Variants in SLC13A4 observed in about 807,000 individuals in gnomAD.
The protein encoded by SLC13A4 is Na(+)/sulfate cotransporter SUT-1.
A neutral mutation model predicts 72.7 loss-of-function variants in SLC13A4; 28 were observed. That is an observed-to-expected ratio of 0.39 (90% confidence interval 0.29 to 0.53). The LOEUF is 0.53. Among genes scored for constraint, SLC13A4 ranks in the 20% least tolerant of loss-of-function variants. The pLI, the probability that SLC13A4 is intolerant of heterozygous loss-of-function variation, is 0.78. For missense variants in SLC13A4, 653 were observed against 788.0 expected, an observed-to-expected ratio of 0.83 and a Z score of 2.05; for synonymous variants, 312 against 325.5, an observed-to-expected ratio of 0.96 and a Z score of 0.45.
chr7:135,681,768 T>A, intron 15 of SLC13A4, 68 bp from the exon 16 acceptor site: 1 of 1,568,302 alleles, frequency 6.4e-7, no homozygotes, highest in Non-Finnish European at 8.7e-7. Context: ...CAAGTCCCCC[T>A]TCTGTTCCTG....
At position 135,727,590 on chromosome 7, in the gene SLC13A4, T is replaced by A; in HGVS notation, c.-94A>T. 1 of 1,423,480 alleles carries A rather than the reference T, an allele frequency of 7.0e-7. No individual in the cohort carries two copies. The highest frequency in any genetic ancestry group is 9.4e-7 in the Non-Finnish European group (1 of 1,068,278). 88.2% of individuals were successfully genotyped at this position (1,423,480 alleles called of 1,614,324 possible). A position where few individuals can be genotyped will look rare whatever the true frequency, so the allele number is the denominator to read the frequency against. ...CTGCTCTCTATCCAGAAAGACTTCT[T>A]AAACCTTTCTTGGCTTCCGAGAGTC... is the stretch of plus-strand genomic sequence containing the variant. On this transcript the variant is annotated 5_prime_UTR_variant, in exon 1 of 16. Coordinates refer to ENST00000682651, the MANE Select transcript of SLC13A4 (RefSeq NM_001318192.2).
intron 1 of SLC13A4, among the ~76,000 whole-genome samples, chr7:135,722,611 TG>T (rs1403220127): frequency 6.6e-6 from 1 of 152,190 alleles, no homozygotes; most frequent in African/African-American, 2.4e-5. Context: ...AAAGCTTTAT[TG>T]CTTTAAAAAT....
intron 5 of SLC13A4, chr7:135,704,310 C>T (rs1796113848): frequency 6.6e-6 from 1 of 152,372 alleles, no homozygotes; most frequent in African/African-American, 2.4e-5. Context: ...CAGAGGGCGC[C>T]ATAATGGGAT....
At chr7:135,720,526 C>T (rs73160749) in intron 2 of SLC13A4, among the ~76,000 whole-genome samples, 6,700 of 149,514 alleles carry the variant, frequency 0.045, 195 homozygotes, top group South Asian at 0.086. Flanking sequence ...TAACCTTACC[C>T]CCATCTCAGT....
At chr7:135,726,189 GA>G (rs1796653354) in intron 1 of SLC13A4, among the ~76,000 whole-genome samples, 2 of 151,892 alleles carry the variant, frequency 1.3e-5, no homozygotes, top group Admixed American at 1.3e-4. Context: ...ACAAAAACAA[GA>G]AAAGCCACAA....
intron 2 of SLC13A4, among the ~76,000 whole-genome samples, chr7:135,711,817 G>A (rs1363866893): frequency 6.6e-6 from 1 of 151,910 alleles, no homozygotes; most frequent in Non-Finnish European, 1.5e-5. Context: ...GAGTGCAGTG[G>A]CGCAATCTCG....
chr7:135,700,524 C>G (rs57936728), intron 7 of SLC13A4, among the ~76,000 whole-genome samples: 4,121 of 152,310 alleles, frequency 0.027, 185 homozygotes, highest in African/African-American at 0.094. Context: ...CTCCAGACCT[C>G]TAAAAGATCC....
Position 135,685,700 on chromosome 7 carries a change from T to C in SLC13A4, c.1447-17A>G, listed in dbSNP as rs1795607015. 1.9e-6 allele frequency: 3 copies of C among 1,602,440 alleles called. No homozygotes were observed. Among genetic ancestry groups the C allele is most frequent in the Non-Finnish European group, 2.6e-6 (3 of 1,170,600 alleles). On this transcript the variant is annotated splice_polypyrimidine_tract_variant and intron_variant, in intron 13 of 15. Transcript: ENST00000682651. ...GCCAGAGCTCTGTAGGAAGAGGTGT[T>C]ACAGTAAGAAGAAAGGAGAAGAAGC...
At chr7:135,697,249 C>G (rs1049264634) in intron 8 of SLC13A4, among the ~76,000 whole-genome samples, 2 of 152,266 alleles carry the variant, frequency 1.3e-5, no homozygotes, top group Non-Finnish European at 2.9e-5. Context: ...TGCCTTCAGC[C>G]TAAGCATTAA....
intron 2 of SLC13A4, among the ~76,000 whole-genome samples, chr7:135,721,125 C>T (rs750920824): frequency 6.6e-6 from 1 of 152,120 alleles, no homozygotes; most frequent in Non-Finnish European, 1.5e-5. Flanking sequence ...GGCTTCAGAC[C>T]GAGGGAGCAA....
rs1795806977 is a variant in SLC13A4 at position 135,692,356 on chromosome 7, C to G, written c.1190G>C (p.Gly397Ala). Residue 397 changes from glycine to alanine, a missense_variant, in exon 11 of 16, where the codon GGC (glycine) becomes GCC (alanine). Physicochemically the swap from Gly to Ala is moderately conservative, Grantham distance 60 (BLOSUM62 0). Coordinates refer to ENST00000682651, the MANE Select transcript of SLC13A4 (RefSeq NM_001318192.2). ...GAAAGAATCCCAGCCAGGGACAAAG[C>G]CAGGCTCCCGGGTAAACCACAGTAC... is the stretch of plus-strand genomic sequence containing the variant. ...MTVLWFTREP[G>A]FVPGWDSFFE... 1 of 1,613,962 alleles carries G rather than the reference C, an allele frequency of 6.2e-7. No individual in the cohort carries two copies. The highest frequency in any genetic ancestry group is 8.5e-7 in the Non-Finnish European group (1 of 1,179,910).
chr7:135,682,776 T>A (rs775415518), intron 15 of SLC13A4, among the ~76,000 whole-genome samples: 3 of 152,198 alleles, frequency 2.0e-5, no homozygotes, highest in Non-Finnish European at 4.4e-5. Flanking sequence ...TCTTGTCACC[T>A]GGTACCTTTG....
At chr7:135,708,335 A>C in intron 2 of SLC13A4, 85 bp from the exon 3 acceptor site, 1 of 1,554,556 alleles carries the variant, frequency 6.4e-7, no homozygotes. Flanking sequence ...GCCATACCCA[A>C]TAAAACCTGT....
chr7:135,683,842 C>G, intron 15 of SLC13A4: 1 of 945,720 alleles, frequency 1.1e-6, no homozygotes, highest in South Asian at 4.9e-5. Flanking sequence ...TGCACAGGCT[C>G]ATGCCTTCTG....
chr7:135,714,072 G>A (rs568950449), intron 2 of SLC13A4, among the ~76,000 whole-genome samples: 11 of 152,308 alleles, frequency 7.2e-5, no homozygotes, highest in African/African-American at 1.7e-4. Flanking sequence ...TGTTTCTGCC[G>A]GGTAAGCCCC....
At chr7:135,696,480 C>G (rs1307042452) in intron 8 of SLC13A4, among the ~76,000 whole-genome samples, 1 of 152,152 alleles carries the variant, frequency 6.6e-6, no homozygotes, top group African/African-American at 2.4e-5. Flanking sequence ...TCCCAAGTAG[C>G]TGGGATTACA....
intron 11 of SLC13A4, chr7:135,692,119 T>A (rs1795801497): frequency 3.4e-6 from 2 of 585,752 alleles, no homozygotes; most frequent in African/African-American, 3.7e-5. Context: ...TGAGACTACA[T>A]GCAGCACTGG....
rs1467820090 is a variant in SLC13A4, at chr7:135,681,684, C to T, written c.1763G>A (p.Gly588Glu). 6.2e-6 allele frequency: 10 copies of T among 1,613,544 alleles called. No homozygotes were observed. The highest frequency in any genetic ancestry group is 8.5e-6 in the Non-Finnish European group (10 of 1,179,676). ...TATCACCAGTCCAATAACGTTGACTCCCAGGCCAGCTTTCACCTGCAGGAC... is the reference window on the plus strand; with the variant it reads ...TATCACCAGTCCAATAACGTTGACTTCCAGGCCAGCTTTCACCTGCAGGAC... Reference protein sequence around the residue: ...QIKDMVKAGLGVNVIGLVIVM... With the variant: ...QIKDMVKAGLEVNVIGLVIVM... Residue 588 changes from glycine to glutamate, a missense_variant, in exon 16 of 16, where the codon GGA (glycine) becomes GAA (glutamate). Transcript: ENST00000682651.
At chr7:135,698,217 G>A (rs1442228084) in intron 8 of SLC13A4, among the ~76,000 whole-genome samples, 4 of 151,932 alleles carry the variant, frequency 2.6e-5, no homozygotes, top group Admixed American at 6.6e-5. Flanking sequence ...ATGTTTAGTA[G>A]AGATGGGGTT....
Sources: allele counts gnomAD v4.1 joint callset (sites outside exome capture counted in the v4.1 genomes callset), GRCh38; gene constraint gnomAD v4.1.1; transcripts MANE v1.5; gene names NCBI Gene and HGNC (gene_info 2026-07-23, HGNC 2026-07-21).